Variants in SCAPER observed in about 807,000 individuals in gnomAD.
SCAPER encodes S phase cyclin A-associated protein in the endoplasmic reticulum.
A neutral mutation model predicts 182.2 loss-of-function variants in SCAPER; 98 were observed. The ratio of observed to expected loss-of-function variants is 0.54; its 90% confidence interval spans 0.46 to 0.64. The LOEUF (loss-of-function observed/expected upper bound fraction) is 0.64. Among genes scored for constraint, SCAPER ranks in the 30% least tolerant of loss-of-function variants. The pLI is 0.00. For synonymous variants in SCAPER, 605 were observed against 564.6 expected (o/e 1.07, Z -1.01); for missense variants, 1,432 against 1,690.0 (o/e 0.85, Z 2.68).
chr15:76,808,664 T>C (rs1278106714), intron 5 of SCAPER, among the ~76,000 whole-genome samples: 3 of 152,182 alleles, frequency 2.0e-5, no homozygotes, highest in African/African-American at 7.2e-5. Context: ...AAATTAGCAG[T>C]CTTCTGGGAC....
At chr15:76,720,177 G>C (rs1414459121) in intron 17 of SCAPER, among the ~76,000 whole-genome samples, 4 of 150,304 alleles carry the variant, frequency 2.7e-5, no homozygotes, top group Non-Finnish European at 5.9e-5. Flanking sequence ...AGAACATGTG[G>C]TGTTCGGTTT....
At chr15:76,705,130 A>G (rs1206367681) in intron 18 of SCAPER, among the ~76,000 whole-genome samples, 1 of 152,130 alleles carries the variant, frequency 6.6e-6, no homozygotes, top group South Asian at 2.1e-4. Context: ...ACAATAGCAA[A>G]GACTTGGAAC....
Position 76,348,644 on chromosome 15 carries a change from C to A in SCAPER, c.4192G>T (p.Glu1398Ter). The change falls in exon 32 of 32, where the codon GAG becomes TAG. Residue 1398 changes from glutamate to a stop codon, truncating the protein, a stop_gained. Coordinates refer to ENST00000563290, the MANE Select transcript of SCAPER (RefSeq NM_020843.4). LOFTEE classifies it high-confidence loss of function. Reference sequence around the variant, plus strand: ...ATCAACCAAAACATTTATTTTTTCTCTTTTTTCAAGAAAAACTGTCGAGCT... The same window carrying A: ...ATCAACCAAAACATTTATTTTTTCTATTTTTTCAAGAAAAACTGTCGAGCT... ...EEARQFFLKK[E>*]KK is the part of the protein sequence containing the mutation. 6.5e-7 allele frequency: 1 copy of A among 1,542,470 alleles called. No homozygotes were observed.
intron 21 of SCAPER, among the ~76,000 whole-genome samples, chr15:76,635,260 G>A (rs1198390624): frequency 6.6e-6 from 1 of 152,114 alleles, no homozygotes; most frequent in Non-Finnish European, 1.5e-5. Flanking sequence ...ATCATGGGGT[G>A]CACTCAAATA....
intron 22 of SCAPER, among the ~76,000 whole-genome samples, chr15:76,584,077 A>G (rs1343010644): frequency 1.3e-5 from 2 of 152,260 alleles, no homozygotes; most frequent in African/African-American, 4.8e-5. Context: ...AGAATGGAAT[A>G]TATCACCAAT....
At chr15:76,713,743 A>T (rs1314554522) in intron 17 of SCAPER, among the ~76,000 whole-genome samples, 1 of 152,138 alleles carries the variant, frequency 6.6e-6, no homozygotes, top group Non-Finnish European at 1.5e-5. Flanking sequence ...ACTAACCTGC[A>T]CATTGTGCAC....
intron 5 of SCAPER, among the ~76,000 whole-genome samples, chr15:76,805,755 G>C (rs1487349362): frequency 6.6e-6 from 1 of 151,926 alleles, no homozygotes; most frequent in Admixed American, 6.6e-5. Flanking sequence ...TTTTAGTAGA[G>C]ACGGGGTTTC....
rs548348015 is a variant in SCAPER, at chr15:76,609,187, T to C, written c.2711+12577A>G. ...GCTCCTCCCTGGCATTTCTTTTTTA[T>C]TGTTTCTTAGAATATTGGGCTGGGC... is the stretch of plus-strand genomic sequence containing the variant. On this transcript the variant is annotated intron_variant, in intron 22 of 31. Transcript: ENST00000563290. Among the ~76,000 whole-genome samples, 94 of 152,224 alleles carry C rather than the reference T, an allele frequency of 6.2e-4. 1 individual carries two copies. Among genetic ancestry groups the C allele is most frequent in the Admixed American group, 2.2e-3 (33 of 15,288 alleles).
chr15:76,759,221 T>A (rs1310925427), intron 14 of SCAPER, among the ~76,000 whole-genome samples: 2 of 152,110 alleles, frequency 1.3e-5, no homozygotes, highest in Non-Finnish European at 2.9e-5. Context: ...TGGGCGGTCT[T>A]AGTCTGTTTT....
intron 23 of SCAPER, among the ~76,000 whole-genome samples, chr15:76,539,132 A>G (rs1386462438): frequency 6.6e-6 from 1 of 152,214 alleles, no homozygotes; most frequent in African/African-American, 2.4e-5. Context: ...AATAATAGCA[A>G]TTGCTATACA....
intron 17 of SCAPER, among the ~76,000 whole-genome samples, chr15:76,715,521 T>C (rs1055451962): frequency 6.6e-6 from 1 of 151,998 alleles, no homozygotes; most frequent in African/African-American, 2.4e-5. Context: ...ATTGCTGCAT[T>C]GTTCCCTACC....
At chr15:76,652,276 ATATATATATATATATATAT>A (rs2055156719) in intron 21 of SCAPER, among the ~76,000 whole-genome samples, 1 of 9,872 alleles carries the variant, frequency 1.0e-4, no homozygotes, top group Admixed American at 1.6e-3. Flanking sequence ...AAAAAAAAAT[ATATATATATATATATATAT>A]ATATATATAT....
rs565978549 is a variant in SCAPER at position 76,901,813 on chromosome 15, G to A, written c.-60+3486C>T. On this transcript the variant is annotated intron_variant, in intron 1 of 31. Transcript: ENST00000563290. ...CAGCTCACTGCAACCTCCACCTCCCGGATTCAAGCGATTCTCCTGCCTCAG... is the reference window on the plus strand; with the variant it reads ...CAGCTCACTGCAACCTCCACCTCCCAGATTCAAGCGATTCTCCTGCCTCAG... Among the ~76,000 whole-genome samples, 44 of 152,032 alleles carry A rather than the reference G, an allele frequency of 2.9e-4. No homozygotes were observed. The Middle Eastern group carries it at 0.01, about 35-fold the overall frequency.
Position 76,601,178 on chromosome 15 carries a change from G to A in SCAPER, c.2711+20586C>T, listed in dbSNP as rs1248373370. On this transcript the variant is annotated intron_variant, in intron 22 of 31. Coordinates refer to ENST00000563290, the MANE Select transcript of SCAPER (RefSeq NM_020843.4). ...GTTCTATCATGAATGGGTGATGGAT[G>A]TTGTCAAACATTTTTTCTCCATCTA... Among the ~76,000 whole-genome samples, 8 of 122,068 alleles carry A rather than the reference G, an allele frequency of 6.6e-5. 3 individuals carry two copies. The highest frequency in any genetic ancestry group is 4.0e-5 in the Non-Finnish European group (2 of 50,146). 80.1% of individuals were successfully genotyped at this position (122,068 alleles called of 152,430 possible).
intron 8 of SCAPER, among the ~76,000 whole-genome samples, chr15:76,788,240 G>A (rs1409779449): frequency 6.6e-6 from 1 of 152,176 alleles, no homozygotes; most frequent in Non-Finnish European, 1.5e-5. Flanking sequence ...TTTATGAGGT[G>A]AAGAAAATGT....
At chr15:76,409,452 T>C (rs1041127410) in intron 26 of SCAPER, among the ~76,000 whole-genome samples, 6 of 152,160 alleles carry the variant, frequency 3.9e-5, no homozygotes, top group Admixed American at 6.5e-5. Context: ...CAGCTTTCTG[T>C]CATTGGACTT....
chr15:76,600,920 C>G (rs533555153), intron 22 of SCAPER, among the ~76,000 whole-genome samples: 1 of 120,932 alleles, frequency 8.3e-6, no homozygotes, highest in African/African-American at 2.5e-5. Context: ...AAGATCGAAT[C>G]TATACATTTT....
intron 4 of SCAPER, among the ~76,000 whole-genome samples, chr15:76,855,481 AAAC>A (rs2071261278): frequency 7.1e-6 from 1 of 141,784 alleles, no homozygotes; most frequent in South Asian, 2.3e-4. Flanking sequence ...AAAAAAAAGT[AAAC>A]AACTTACAGA....
chr15:76,378,637 C>T (rs933934128), intron 28 of SCAPER, among the ~76,000 whole-genome samples: 31 of 152,086 alleles, frequency 2.0e-4, no homozygotes. Flanking sequence ...GTTTCCCTTC[C>T]CTTGAATATG....
Sources: gnomAD v4.1 joint callset for allele counts (sites outside exome capture counted in the v4.1 genomes callset) on GRCh38, gnomAD v4.1.1 for gene constraint, MANE v1.5 for transcripts, NCBI Gene and HGNC (gene_info 2026-07-23, HGNC 2026-07-21) for gene names.